SAMD7: variants seen among roughly 807,000 people sequenced by gnomAD.
SAMD7 encodes sterile alpha motif domain containing 7.
Under a neutral mutation model 36.7 loss-of-function variants are expected in SAMD7, and 34 were observed. The ratio of observed to expected loss-of-function variants is 0.93; its 90% CI spans 0.71 to 1.23. The LOEUF is 1.23. Ranked by LOEUF, SAMD7 falls within the 50% of genes most tolerant of loss-of-function variation. The pLI, the probability that SAMD7 is intolerant of heterozygous loss-of-function variation, is 0.00. For missense variants in SAMD7, 570 were observed against 546.6 expected (o/e 1.04, Z -0.43); for synonymous variants, 188 against 189.7 (o/e 0.99, Z 0.07).
In SAMD7 at chr3:169,919,472, C is replaced by G; in HGVS notation, c.-27C>G. 1 of 1,580,416 alleles carries G rather than the reference C, an allele frequency of 6.3e-7. No individual in the cohort carries two copies. Among genetic ancestry groups the G allele is most frequent in the Non-Finnish European group, 8.7e-7 (1 of 1,149,316 alleles). ...GTTCTTTTTAGAACTCCATTAGTGG[C>G]GAGAGATATTGAAGACAAACCCGGT... On this transcript the variant is annotated 5_prime_UTR_variant, in exon 3 of 9. Coordinates refer to ENST00000335556, the MANE Select transcript of SAMD7 (RefSeq NM_001304366.2).
Position 169,930,578 on chromosome 3 carries a change from C to T in SAMD7, c.1041+2000C>T, listed in dbSNP as rs111462308. Reference sequence around the variant, plus strand: ...TTGTTACTCATAGCCCCTTTCTTTTCTTTTTTTTTTTTTTTTTTTTTGAGA... The same window carrying T: ...TTGTTACTCATAGCCCCTTTCTTTTTTTTTTTTTTTTTTTTTTTTTTGAGA... On this transcript the variant is annotated intron_variant, in intron 7 of 8. Transcript: ENST00000335556. Among the ~76,000 whole-genome samples, 131 of 101,716 alleles carry T rather than the reference C, an allele frequency of 1.3e-3. 1 individual carries two copies. The highest frequency in any genetic ancestry group is 4.1e-3 in the East Asian group (14 of 3,450). The allele number at this position is 101,716 out of a possible 152,430, so 66.7% of individuals were successfully genotyped here.
intron 2 of SAMD7, among the ~76,000 whole-genome samples, chr3:169,917,074 A>G (rs1223589791): frequency 6.6e-6 from 1 of 152,256 alleles, no homozygotes; most frequent in African/African-American, 2.4e-5. Context: ...ACAGAAATAC[A>G]GTGAAAGTAA....
chr3:169,924,411 A>G (rs1481031404), intron 4 of SAMD7, among the ~76,000 whole-genome samples: 1 of 151,966 alleles, frequency 6.6e-6, no homozygotes, highest in Non-Finnish European at 1.5e-5. Flanking sequence ...ACATGGTGAA[A>G]CCCCATTTCT....
intron 8 of SAMD7, 122 bp from the exon 9 acceptor site, chr3:169,938,196 A>G: frequency 1.5e-6 from 1 of 652,042 alleles, no homozygotes. Flanking sequence ...GACCCCCACA[A>G]CTATATGTTA....
chr3:169,925,519 G>GT (rs141316190), intron 5 of SAMD7, among the ~76,000 whole-genome samples: 15,385 of 152,126 alleles, frequency 0.1, 1,036 homozygotes, highest in South Asian at 0.14. Flanking sequence ...GAGGTCAGGA[G>GT]TTCAAGACCA....
rs185282585 is a variant in SAMD7 at position 169,920,199 on chromosome 3, A to C, written c.86+615A>C. 3.3e-3 allele frequency among the ~76,000 whole-genome samples: 498 copies of C among 152,276 alleles called. 4 individuals carry two copies. Among genetic ancestry groups the C allele is most frequent in the African/African-American group, 0.011 (477 of 41,550 alleles). On this transcript the variant is annotated intron_variant, in intron 3 of 8. Transcript: ENST00000335556. ...CAGAAAAAATAAACAAATAAATAAAAATAATAAAATACTAAATACTGGATG... is the reference window on the plus strand; with the variant it reads ...CAGAAAAAATAAACAAATAAATAAACATAATAAAATACTAAATACTGGATG...
intron 2 of SAMD7, among the ~76,000 whole-genome samples, chr3:169,917,939 C>T (rs527880544): frequency 6.7e-6 from 1 of 148,260 alleles, no homozygotes; most frequent in African/African-American, 2.5e-5. Flanking sequence ...CTGCACCCGG[C>T]CTGTTTGTTT....
chr3:169,928,477 A>G lies in SAMD7; in HGVS notation c.940A>G (p.Ile314Val), dbSNP rs201250676. ...SLPGTHALVT[I>V]GGNLSLDEDI... ...TAAAGGAACACATGCACTGGTTACA[A>G]TTGGGGGGAATCTTTCTTTGGATGA... The change falls in exon 7 of 9, where the codon ATT (isoleucine) becomes GTT (valine). Residue 314 changes from isoleucine to valine, a missense_variant. Ile to Val is a conservative substitution (Grantham distance 29). Coordinates refer to ENST00000335556, the MANE Select transcript of SAMD7 (RefSeq NM_001304366.2). The G allele has an allele frequency of 5.6e-6, 9 of 1,612,816 alleles. No individual in the cohort carries two copies. The highest frequency in any genetic ancestry group is 7.6e-6 in the Non-Finnish European group (9 of 1,178,880).
intron 4 of SAMD7, 102 bp downstream of exon 4, chr3:169,921,440 C>A: frequency 1.7e-6 from 2 of 1,205,542 alleles, no homozygotes; most frequent in Non-Finnish European, 2.4e-6. Flanking sequence ...GGAGGCAGAT[C>A]TGTGTGGTGG....
In SAMD7 at chr3:169,926,984, A is replaced by G; in HGVS notation, c.722A>G (p.Asn241Ser). ...APSNQKSSET[N>S]EKPTTALANT... Reference sequence around the variant, plus strand: ...AGCAACCAGAAGTCAAGTGAAACGAATGAAAAGCCAACGACAGCTCTTGCC... The same window carrying G: ...AGCAACCAGAAGTCAAGTGAAACGAGTGAAAAGCCAACGACAGCTCTTGCC... Residue 241 changes from asparagine (N) to serine (S), a missense_variant, in exon 6 of 9, where the codon AAT becomes AGT. Transcript: ENST00000335556. 1 of 1,613,978 alleles carries G rather than the reference A, an allele frequency of 6.2e-7. No homozygotes were observed. The highest frequency in any genetic ancestry group is 8.5e-7 in the Non-Finnish European group (1 of 1,180,010).
intron 4 of SAMD7, among the ~76,000 whole-genome samples, chr3:169,922,470 G>A (rs1007010616): frequency 6.6e-6 from 1 of 152,202 alleles, no homozygotes; most frequent in Non-Finnish European, 1.5e-5. Flanking sequence ...ATTACCATAT[G>A]CCTTATCTCA....
intron 2 of SAMD7, among the ~76,000 whole-genome samples, chr3:169,916,054 T>TTTTG (rs35680212): frequency 0.9 from 137,299 of 151,880 alleles, 62,365 homozygotes; most frequent in East Asian, 1. Context: ...GTCCCTTTGT[T>TTTTG]TTTGTTTGAT....
chr3:169,933,206 G>A, intron 7 of SAMD7: 3 of 652,580 alleles, frequency 4.6e-6, no homozygotes, highest in Non-Finnish European at 5.7e-6. Flanking sequence ...CTGTATGGTA[G>A]AAGACACAAT....
chr3:169,919,201 AG>A (rs1712940069), intron 2 of SAMD7, among the ~76,000 whole-genome samples: 1 of 152,176 alleles, frequency 6.6e-6, no homozygotes, highest in Admixed American at 6.6e-5. Context: ...GAATCTTGCA[AG>A]GCTGATTTAA....
At position 169,919,513 on chromosome 3, in the gene SAMD7, T is replaced by C; in HGVS notation, c.15T>C (p.Pro5=). The C allele has an allele frequency of 6.2e-7, 1 of 1,614,150 alleles. No individual in the cohort carries two copies. Among genetic ancestry groups the C allele is most frequent in the South Asian group, 1.1e-5 (1 of 91,086 alleles). The change falls in exon 3 of 9, where the codon CCT becomes CCC. Residue 5 remains proline, a synonymous_variant. Coordinates refer to ENST00000335556, the MANE Select transcript of SAMD7 (RefSeq NM_001304366.2). ...CAAACCCGGTGATGGCTGTGAACCCTTTATTGACACCAACAGGGCAGCAGA... is the reference window on the plus strand; with the variant it reads ...CAAACCCGGTGATGGCTGTGAACCCCTTATTGACACCAACAGGGCAGCAGA... MAVN[P]LLTPTGQQTI...
Position 169,928,552 on chromosome 3 carries a change from C to T in SAMD7, c.1015C>T (p.Leu339Phe). 1 of 1,614,010 alleles carries T rather than the reference C, an allele frequency of 6.2e-7. No individual in the cohort carries two copies. The highest frequency in any genetic ancestry group is 8.5e-7 in the Non-Finnish European group (1 of 1,179,896). The stretch of plus-strand genomic sequence containing the variant: ...TGATGTGCACAGCTTCATTCGCAGC[C>T]TTCCAGGTTGTTCAGACTATGCTCA... ...VDDVHSFIRSLPGCSDYAQVF... is the reference protein window; with the variant it reads ...VDDVHSFIRSFPGCSDYAQVF... Residue 339 changes from leucine (L) to phenylalanine (F), a missense_variant, in exon 7 of 9, where the codon CTT becomes TTT. By Grantham distance (22) the Leu-to-Phe change is conservative. Transcript: ENST00000335556.
intron 4 of SAMD7, 117 bp downstream of exon 4, chr3:169,921,455 C>A: frequency 1.0e-6 from 1 of 964,952 alleles, no homozygotes; most frequent in South Asian, 1.6e-5. Context: ...TGGTGGTTGT[C>A]TCTGCAGTCT....
chr3:169,936,804 C>T (rs1418197871), intron 8 of SAMD7, among the ~76,000 whole-genome samples: 8 of 152,092 alleles, frequency 5.3e-5, no homozygotes, highest in Non-Finnish European at 1.2e-4. Flanking sequence ...TGTCATCCTC[C>T]GAGAAATCAT....
intron 4 of SAMD7, among the ~76,000 whole-genome samples, chr3:169,921,830 T>C (rs571831023): frequency 6.6e-6 from 1 of 152,292 alleles, no homozygotes; most frequent in East Asian, 1.9e-4. Flanking sequence ...GTTCTGGGAA[T>C]AAACTGATGG....
Sources: allele counts gnomAD v4.1 joint callset (sites outside exome capture counted in the v4.1 genomes callset), GRCh38; gene constraint gnomAD v4.1.1; transcripts MANE v1.5; gene names NCBI Gene and HGNC (gene_info 2026-07-23, HGNC 2026-07-21).